The following HECW1 variants were observed in gnomAD, a reference collection of about 807,000 sequenced individuals.
The protein encoded by HECW1 is E3 ubiquitin-protein ligase HECW1.
HECW1 carries 61 observed loss-of-function variants against 182.3 expected under a neutral mutation model. The ratio of observed to expected loss-of-function variants is 0.33; its 90% CI spans 0.27 to 0.41. HECW1 has a LOEUF of 0.41. Ranked by LOEUF, HECW1 falls within the 10% of genes least tolerant of loss-of-function variation. The probability of loss-of-function intolerance (pLI) is 1.00; values close to 1 mark genes in which losing one functional copy is unlikely to be tolerated. For missense variants in HECW1, 1,739 were observed against 2,108.9 expected (o/e 0.82, Z 3.44); for synonymous variants, 859 against 832.6 (o/e 1.03, Z -0.55).
intron 3 of HECW1, among the ~76,000 whole-genome samples, chr7:43,294,513 C>T (rs150585829): frequency 3.9e-5 from 6 of 152,314 alleles, no homozygotes; most frequent in South Asian, 2.1e-4. Flanking sequence ...TAGCTCCTCC[C>T]GGTCTCACTG....
intron 13 of HECW1, among the ~76,000 whole-genome samples, chr7:43,460,722 C>T (rs892712691): frequency 1.3e-5 from 2 of 152,166 alleles, no homozygotes; most frequent in African/African-American, 4.8e-5. Flanking sequence ...AGCTGCCTCC[C>T]TCTCCTGTTT....
chr7:43,466,057 G>T (rs2077762202), intron 14 of HECW1, among the ~76,000 whole-genome samples: 1 of 136,476 alleles, frequency 7.3e-6, no homozygotes, highest in Non-Finnish European at 1.6e-5. Context: ...GAAGGAGGGA[G>T]GGAGGGAAGG....
chr7:43,159,717 T>TCC (rs1790315774), intron 2 of HECW1, among the ~76,000 whole-genome samples: 1 of 144,630 alleles, frequency 6.9e-6, no homozygotes, highest in South Asian at 2.2e-4. Flanking sequence ...TCTTGCTCTG[T>TCC]CGCCCAGGCT....
intron 3 of HECW1, among the ~76,000 whole-genome samples, chr7:43,244,488 G>A (rs1799183579): frequency 6.6e-6 from 1 of 152,136 alleles, no homozygotes; most frequent in Non-Finnish European, 1.5e-5. Flanking sequence ...TTTACTTTTG[G>A]TGACAGCCCA....
intron 3 of HECW1, among the ~76,000 whole-genome samples, chr7:43,281,140 C>T (rs1328303674): frequency 2.0e-5 from 3 of 152,170 alleles, no homozygotes; most frequent in African/African-American, 7.2e-5. Context: ...CCTCCGCCCA[C>T]CCAAGCAAGT....
intron 2 of HECW1, among the ~76,000 whole-genome samples, chr7:43,233,492 G>A (rs879837738): frequency 6.6e-6 from 1 of 152,194 alleles, no homozygotes; most frequent in African/African-American, 2.4e-5. Context: ...AATTGGAAAA[G>A]GTGGTGGTGC....
intron 6 of HECW1, among the ~76,000 whole-genome samples, chr7:43,381,338 G>A (rs534017662): frequency 1.3e-5 from 2 of 152,102 alleles, no homozygotes; most frequent in South Asian, 2.1e-4. Context: ...TTTACTTCTT[G>A]GAGGCAAGAG....
chr7:43,436,471 G>A (rs1470408617), intron 8 of HECW1, among the ~76,000 whole-genome samples: 3 of 152,074 alleles, frequency 2.0e-5, no homozygotes, highest in Non-Finnish European at 2.9e-5. Context: ...GGGAGTCAGC[G>A]AAGGGAGATA....
At chr7:43,435,617 G>A (rs994814202) in intron 8 of HECW1, among the ~76,000 whole-genome samples, 13 of 152,254 alleles carry the variant, frequency 8.5e-5, no homozygotes, top group African/African-American at 3.1e-4. Flanking sequence ...GAGGAGCTAT[G>A]TTTGGAAGTG....
chr7:43,174,794 C>A (rs1313800746), intron 2 of HECW1, among the ~76,000 whole-genome samples: 1 of 152,114 alleles, frequency 6.6e-6, no homozygotes, highest in African/African-American at 2.4e-5. Context: ...TCACTATGTC[C>A]CTTCCTTTAC....
At chr7:43,121,642 C>T (rs931704445) in intron 2 of HECW1, among the ~76,000 whole-genome samples, 2 of 152,028 alleles carry the variant, frequency 1.3e-5, no homozygotes, top group Non-Finnish European at 2.9e-5. Flanking sequence ...TTAGACTCCC[C>T]ATCCCTCTGT....
intron 2 of HECW1, among the ~76,000 whole-genome samples, chr7:43,141,409 C>T (rs1040817209): frequency 6.6e-6 from 1 of 152,178 alleles, no homozygotes; most frequent in Non-Finnish European, 1.5e-5. Context: ...CCCTTTGAAG[C>T]TAGTGGTTTT....
At chr7:43,519,299 G>A (rs1377393411) in intron 24 of HECW1, among the ~76,000 whole-genome samples, 1 of 151,870 alleles carries the variant, frequency 6.6e-6, no homozygotes, top group African/African-American at 2.4e-5. Context: ...AGGCTGGAGT[G>A]CAATGGCACG....
At chr7:43,372,710 AT>A (rs1584673222) in intron 6 of HECW1, among the ~76,000 whole-genome samples, 1 of 151,842 alleles carries the variant, frequency 6.6e-6, no homozygotes, top group Non-Finnish European at 1.5e-5. Flanking sequence ...ATATTTTTAA[AT>A]TTTTTTTAAA....
chr7:43,188,862 C>T (rs1171475586), intron 2 of HECW1, among the ~76,000 whole-genome samples: 1 of 152,152 alleles, frequency 6.6e-6, no homozygotes, highest in Non-Finnish European at 1.5e-5. Flanking sequence ...GCCATCTTGT[C>T]ATTGGGGTTA....
chr7:43,280,309 G>A (rs1223663302), intron 3 of HECW1, among the ~76,000 whole-genome samples: 1 of 152,142 alleles, frequency 6.6e-6, no homozygotes, highest in Admixed American at 6.5e-5. Context: ...TTCCACCACT[G>A]AACACCTGTG....
At chr7:43,295,515 C>T (rs558901706) in intron 3 of HECW1, among the ~76,000 whole-genome samples, 4 of 152,082 alleles carry the variant, frequency 2.6e-5, no homozygotes, top group Non-Finnish European at 5.9e-5. Flanking sequence ...ATACTGAATA[C>T]GGAGAAGGTC....
intron 4 of HECW1, among the ~76,000 whole-genome samples, chr7:43,313,339 A>ATT (rs3032878): frequency 0.011 from 1,557 of 142,722 alleles, 27 homozygotes; most frequent in African/African-American, 0.035. Flanking sequence ...CCTAAAGAGC[A>ATT]TTTTTTTTTT....
At chr7:43,389,619 CTGT>C (rs78728195) in intron 6 of HECW1, among the ~76,000 whole-genome samples, 2,398 of 151,520 alleles carry the variant, frequency 0.016, 48 homozygotes, top group African/African-American at 0.05. Flanking sequence ...ATTGTTGTTG[CTGT>C]TGTTGTTGTT....
Sources: allele counts gnomAD v4.1 joint callset (sites outside exome capture counted in the v4.1 genomes callset), GRCh38; gene constraint gnomAD v4.1.1; transcripts MANE v1.5; gene names NCBI Gene and HGNC (gene_info 2026-07-23, HGNC 2026-07-21).